Variants in NCF1 observed in about 807,000 individuals in gnomAD.
NCF1 encodes neutrophil cytosolic factor 1.
NCF1 carries 8 observed loss-of-function variants against 34.9 expected under a neutral mutation model. That is an observed-to-expected ratio of 0.23 (90% CI 0.13 to 0.41). The LOEUF (loss-of-function observed/expected upper bound fraction) is 0.41, where lower values mean the gene tolerates loss of function less well. NCF1 is among the 10% of genes least tolerant of loss of function. The pLI is 1.00. For synonymous variants in NCF1, 57 were observed against 146.3 expected, an observed-to-expected ratio of 0.39 and a Z score of 4.41; for missense variants, 122 against 362.4, an observed-to-expected ratio of 0.34 and a Z score of 5.39.
chr7:74,787,198 G>C (rs1796690041), intron 8 of NCF1, among the ~76,000 whole-genome samples: 1 of 151,930 alleles, frequency 6.6e-6, no homozygotes, highest in Admixed American at 6.6e-5. Flanking sequence ...AGCACTTTGG[G>C]AGGCTGAGGC....
chr7:74,775,577 A>G (rs1796454882), intron 1 of NCF1, among the ~76,000 whole-genome samples: 1 of 28,388 alleles, frequency 3.5e-5, no homozygotes, highest in South Asian at 1.1e-3. Flanking sequence ...GGAAATTAAC[A>G]TGGACAAAAC....
chr7:74,777,197 G>A, intron 1 of NCF1, 70 bp from the exon 2 acceptor site: 2 of 1,064,486 alleles, frequency 1.9e-6, no homozygotes, highest in Admixed American at 1.9e-5. Context: ...TGGGTAGTGG[G>A]ATCCTGGGTG....
rs1178854503 is a variant in NCF1 at position 74,779,067 on chromosome 7, CT to C, written c.154-10del. The C allele has an allele frequency of 2.9e-6, 3 of 1,027,576 alleles. No individual in the cohort carries two copies. The highest frequency in any genetic ancestry group is 4.4e-6 in the Non-Finnish European group (3 of 677,184). 63.7% of individuals were successfully genotyped at this position (1,027,576 alleles called of 1,614,324 possible). ...CAAATATTCCTTCACGTCTTCTTGTCTTTTTAATGTTTAGAAAACCTTAAAA... is the reference window on the plus strand; with the variant it reads ...CAAATATTCCTTCACGTCTTCTTGTCTTTTAATGTTTAGAAAACCTTAAAA... On this transcript the variant is annotated splice_polypyrimidine_tract_variant and intron_variant, in intron 2 of 10. Coordinates refer to ENST00000289473, the MANE Select transcript of NCF1 (RefSeq NM_000265.7).
chr7:74,778,169 G>C, intron 2 of NCF1: 1 of 117,268 alleles, frequency 8.5e-6, no homozygotes, highest in Non-Finnish European at 1.7e-5. Flanking sequence ...ACCCAGGCTG[G>C]GGTGCAGTGG....
At chr7:74,787,540 G>T (rs1435259635) in intron 8 of NCF1, among the ~76,000 whole-genome samples, 1 of 152,086 alleles carries the variant, frequency 6.6e-6, no homozygotes, top group Non-Finnish European at 1.5e-5. Context: ...TAACATAAAA[G>T]AAAAATTGGC....
chr7:74,787,285 A>T (rs1408563409), intron 8 of NCF1, among the ~76,000 whole-genome samples: 3 of 152,102 alleles, frequency 2.0e-5, no homozygotes, highest in Admixed American at 1.3e-4. Flanking sequence ...CTAAAAAAAT[A>T]CAAAATTAAC....
chr7:74,783,779 G>A (rs1391413861), intron 7 of NCF1, 147 bp downstream of exon 7: 4 of 1,479,772 alleles, frequency 2.7e-6, no homozygotes, highest in African/African-American at 2.8e-5. Context: ...TGGCTTGGGG[G>A]CCCTGGCAGG....
intron 8 of NCF1, among the ~76,000 whole-genome samples, chr7:74,785,712 ATC>A (rs1334686705): frequency 1.3e-5 from 2 of 151,708 alleles, no homozygotes; most frequent in African/African-American, 2.4e-5. Flanking sequence ...GCAAAACCCT[ATC>A]TCTACTAAAA....
intron 5 of NCF1, among the ~76,000 whole-genome samples, 160 bp from the exon 6 acceptor site, chr7:74,782,779 G>A (rs868915746): frequency 6.6e-6 from 1 of 151,918 alleles, no homozygotes; most frequent in African/African-American, 2.4e-5. Context: ...AACTTCATCA[G>A]ATGAGAACAA....
At chr7:74,781,984 A>G (rs1202253548) in intron 5 of NCF1, among the ~76,000 whole-genome samples, 9 of 151,184 alleles carry the variant, frequency 6.0e-5, no homozygotes, top group Non-Finnish European at 1.3e-4. Context: ...GGACTTCAAC[A>G]TATGAATTTT....
At chr7:74,787,106 A>G (rs1554414631) in intron 8 of NCF1, among the ~76,000 whole-genome samples, 3 of 150,826 alleles carry the variant, frequency 2.0e-5, no homozygotes, top group African/African-American at 7.3e-5. Context: ...TTTACTTCAG[A>G]TGGATCACAG....
At chr7:74,783,137 C>G in intron 6 of NCF1, 76 bp downstream of exon 6, 1 of 1,579,110 alleles carries the variant, frequency 6.3e-7, no homozygotes. Context: ...TGCCAAGGCT[C>G]AGGCAGCCTT....
chr7:74,777,724 A>T, intron 2 of NCF1: 1 of 250,868 alleles, frequency 4.0e-6, no homozygotes, highest in Non-Finnish European at 7.9e-6. Context: ...ATGTGTGGCT[A>T]ATTTTTGTAT....
chr7:74,783,113 A>G (rs1255388977), intron 6 of NCF1, 52 bp downstream of exon 6: 1 of 1,580,040 alleles, frequency 6.3e-7, no homozygotes, highest in African/African-American at 1.4e-5. Flanking sequence ...AGGAACCCAC[A>G]GCCACAAGCC....
At chr7:74,775,948 C>CT (rs782778957) in intron 1 of NCF1, among the ~76,000 whole-genome samples, 2,061 of 114,116 alleles carry the variant, frequency 0.018, 21 homozygotes, top group Middle Eastern at 0.025. Flanking sequence ...CTGGATCAGT[C>CT]TTTTTTTTTT....
chr7:74,783,251 G>A (rs782424535), intron 6 of NCF1, 190 bp downstream of exon 6: 3 of 1,130,480 alleles, frequency 2.7e-6, no homozygotes, highest in African/African-American at 1.5e-5. Context: ...GTGGGCATCT[G>A]TGCATGGCAG....
At chr7:74,788,859 A>C (rs1259663109) in intron 10 of NCF1, among the ~76,000 whole-genome samples, 155 bp downstream of exon 10, 124 of 147,884 alleles carry the variant, frequency 8.4e-4, no homozygotes, top group Non-Finnish European at 4.5e-5. Flanking sequence ...AGGAGGAGCC[A>C]GCGCTAGGGG....
At chr7:74,785,871 G>A (rs1324537317) in intron 8 of NCF1, among the ~76,000 whole-genome samples, 11 of 115,688 alleles carry the variant, frequency 9.5e-5, no homozygotes, top group Non-Finnish European at 1.6e-4. Context: ...CAACGAGAGC[G>A]AAACTCCGTC....
chr7:74,789,086 C>G lies in NCF1; in HGVS notation c.1099C>G (p.Pro367Ala). 1 of 454,510 alleles carries G rather than the reference C, an allele frequency of 2.2e-6. No homozygotes were observed. 28.2% of individuals were successfully genotyped at this position (454,510 alleles called of 1,614,324 possible). A position where few individuals can be genotyped will look rare whatever the true frequency, so the allele number is the denominator to read the frequency against. Reference sequence around the variant, plus strand: ...CTCTAAACCGCAGCCGGCGGTGCCCCCGCGGCCGAGCGCCGACCTCATCCT... The same window carrying G: ...CTCTAAACCGCAGCCGGCGGTGCCCGCGCGGCCGAGCGCCGACCTCATCCT... Reference protein sequence around the residue: ...QRSKPQPAVPPRPSADLILNR... With the variant: ...QRSKPQPAVPARPSADLILNR... Residue 367 changes from proline to alanine, a missense_variant, in exon 11 of 11, where the codon CCG becomes GCG. Physicochemically the swap from Pro to Ala is conservative, Grantham distance 27. Around this residue, in one of 9 missense-constraint regions of NCF1, gnomAD observed 15 missense variants for 58.8 expected, o/e 0.25. Transcript: ENST00000289473.
Sources: gnomAD v4.1 joint callset for allele counts (sites outside exome capture counted in the v4.1 genomes callset) on GRCh38, gnomAD v4.1.1 for gene constraint, gnomAD v4.1.1 regional missense constraint, MANE v1.5 for transcripts, NCBI Gene and HGNC (gene_info 2026-07-23, HGNC 2026-07-21) for gene names.